The following FILIP1 variants were observed in gnomAD, a reference collection of about 807,000 sequenced individuals.
FILIP1 encodes the protein filamin-A-interacting protein 1.
A neutral mutation model predicts 102.1 loss-of-function variants in FILIP1; 61 were observed. The observed-to-expected ratio is 0.60, with a 90% CI of 0.49 to 0.74. The LOEUF is 0.74. Ranked by LOEUF, FILIP1 falls within the 30% of genes least tolerant of loss-of-function variation. The pLI, the probability that FILIP1 is intolerant of heterozygous loss-of-function variation, is 0.00. For synonymous variants in FILIP1, 491 were observed against 526.9 expected, an observed-to-expected ratio of 0.93 and a Z score of 0.93; for missense variants, 1,314 against 1,441.2, an observed-to-expected ratio of 0.91 and a Z score of 1.43.
intron 6 of FILIP1, among the ~76,000 whole-genome samples, chr6:75,302,836 G>GATATA (rs1554197459): frequency 6.6e-6 from 1 of 151,718 alleles, no homozygotes; most frequent in Non-Finnish European, 1.5e-5. Flanking sequence ...GATATGATAT[G>GATATA]ATATGATATG....
At chr6:75,395,793 C>T (rs988694620) in intron 2 of FILIP1, among the ~76,000 whole-genome samples, 7 of 152,030 alleles carry the variant, frequency 4.6e-5, no homozygotes, top group Admixed American at 2.6e-4. Flanking sequence ...TAAAAGTTTC[C>T]GAACACCTGG....
At chr6:75,490,172 A>G (rs1779915411) in intron 1 of FILIP1, among the ~76,000 whole-genome samples, 1 of 152,160 alleles carries the variant, frequency 6.6e-6, no homozygotes, top group Admixed American at 6.5e-5. Flanking sequence ...AATTATAACC[A>G]CAAGGAAACC....
intron 1 of FILIP1, among the ~76,000 whole-genome samples, chr6:75,491,249 G>A (rs904529534): frequency 6.6e-6 from 1 of 152,044 alleles, no homozygotes; most frequent in African/African-American, 2.4e-5. Flanking sequence ...GGCAAAGCTG[G>A]GGTATTGAAA....
chr6:75,368,138 G>A (rs1165869849), intron 2 of FILIP1, among the ~76,000 whole-genome samples: 1 of 152,226 alleles, frequency 6.6e-6, no homozygotes, highest in Non-Finnish European at 1.5e-5. Context: ...CTTTGTGCCA[G>A]TGGAGGTGTA....
chr6:75,310,869 C>T (rs1416452680), intron 5 of FILIP1, among the ~76,000 whole-genome samples: 2 of 152,186 alleles, frequency 1.3e-5, no homozygotes, highest in Non-Finnish European at 2.9e-5. Flanking sequence ...ACTGGCAAAG[C>T]AATTAGTAAT....
intron 1 of FILIP1, among the ~76,000 whole-genome samples, chr6:75,442,288 G>A (rs1778289566): frequency 6.6e-6 from 1 of 151,668 alleles, no homozygotes; most frequent in East Asian, 2.0e-4. Context: ...CCAGGCAGAG[G>A]GGCTCCTCAC....
At chr6:75,462,359 G>A (rs1779047388) in intron 1 of FILIP1, among the ~76,000 whole-genome samples, 1 of 152,098 alleles carries the variant, frequency 6.6e-6, no homozygotes, top group South Asian at 2.1e-4. Flanking sequence ...GGATTGTGAG[G>A]AGGCCCAGAG....
intron 1 of FILIP1, among the ~76,000 whole-genome samples, chr6:75,484,715 G>A (rs1286980461): frequency 1.3e-5 from 2 of 152,118 alleles, no homozygotes; most frequent in Non-Finnish European, 2.9e-5. Context: ...GAGTCTAGAG[G>A]TTTCCACTCC....
At chr6:75,308,972 T>C in intron 5 of FILIP1, 75 bp from the exon 6 acceptor site, 1 of 1,507,974 alleles carries the variant, frequency 6.6e-7, no homozygotes. Flanking sequence ...AATCTGAACA[T>C]TAGTGGGACT....
intron 2 of FILIP1, among the ~76,000 whole-genome samples, chr6:75,372,234 G>A (rs1053090028): frequency 1.3e-5 from 2 of 151,938 alleles, no homozygotes; most frequent in African/African-American, 4.8e-5. Flanking sequence ...GGGCGTGATG[G>A]TGCATGCCTG....
chr6:75,453,513 T>G (rs1274022813), intron 1 of FILIP1, among the ~76,000 whole-genome samples: 1 of 152,108 alleles, frequency 6.6e-6, no homozygotes, highest in Non-Finnish European at 1.5e-5. Flanking sequence ...TGAAAATTTT[T>G]TAAGAGAGGG....
intron 4 of FILIP1, among the ~76,000 whole-genome samples, chr6:75,353,238 GATAAAAAA>G (rs1270024204): frequency 1.3e-5 from 2 of 152,104 alleles, no homozygotes; most frequent in South Asian, 2.1e-4. Flanking sequence ...AGAAATACAT[GATAAAAAA>G]ATAAAAAAAT....
chr6:75,462,584 GTA>G (rs544327944), intron 1 of FILIP1, among the ~76,000 whole-genome samples: 16 of 151,678 alleles, frequency 1.1e-4, no homozygotes, highest in African/African-American at 3.6e-4. Context: ...ATATGTGTGT[GTA>G]TATATATATA....
At chr6:75,360,593 A>G (rs1323714058) in intron 3 of FILIP1, 1 of 152,234 alleles carries the variant, frequency 6.6e-6, no homozygotes. Flanking sequence ...AGAATTATGA[A>G]CTTTGATATT....
In FILIP1 at chr6:75,436,731, C is replaced by T. The variant is rs554353566; in HGVS notation, c.-6-21753G>A. ...TTGTGCTGACAATAAGCCAGAAGTG[C>T]GGTGACATTTTAATGGACACTGGCA... On this transcript the variant is annotated intron_variant, in intron 1 of 5. Transcript: ENST00000237172. Among the ~76,000 whole-genome samples, 18 of 152,154 alleles carry T rather than the reference C, an allele frequency of 1.2e-4. No individual in the cohort carries two copies. The South Asian group carries it at 2.1e-3, about 18-fold the overall frequency.
Position 75,441,747 on chromosome 6 carries a change from C to A in FILIP1, c.-6-26769G>T, listed in dbSNP as rs1414714893. Reference sequence around the variant, plus strand: ...CTCCCTCCCGGACGGGGCGGCTGGCCGGGCAGAGGGGCTCCTCACTTCCCA... The same window carrying A: ...CTCCCTCCCGGACGGGGCGGCTGGCAGGGCAGAGGGGCTCCTCACTTCCCA... On this transcript the variant is annotated intron_variant, in intron 1 of 5. Coordinates refer to ENST00000237172, the MANE Select transcript of FILIP1 (RefSeq NM_015687.5). Among the ~76,000 whole-genome samples the A allele has an allele frequency of 3.4e-5, 5 of 145,946 alleles. No individual in the cohort carries two copies. In the East Asian group the frequency reaches 1.0e-3, roughly 30 times the overall value.
chr6:75,410,106 C>T (rs573703136), intron 2 of FILIP1, among the ~76,000 whole-genome samples: 1 of 152,188 alleles, frequency 6.6e-6, no homozygotes, highest in East Asian at 1.9e-4. Flanking sequence ...CAGGAAGTAC[C>T]CATCAGGCAA....
intron 2 of FILIP1, among the ~76,000 whole-genome samples, chr6:75,407,892 G>T (rs1776929989): frequency 6.6e-6 from 1 of 152,086 alleles, no homozygotes; most frequent in African/African-American, 2.4e-5. Flanking sequence ...CCTTGTTCTT[G>T]AATCATTCTG....
chr6:75,432,673 T>A (rs13201746), intron 1 of FILIP1, among the ~76,000 whole-genome samples: 1 of 152,090 alleles, frequency 6.6e-6, no homozygotes. Context: ...TTATTTACTA[T>A]TTTATTATTT....
Sources: gnomAD v4.1 joint callset for allele counts (sites outside exome capture counted in the v4.1 genomes callset) on GRCh38, gnomAD v4.1.1 for gene constraint, MANE v1.5 for transcripts, NCBI Gene and HGNC (gene_info 2026-07-23, HGNC 2026-07-21) for gene names.